Variants in DNMT1 observed in about 807,000 individuals in gnomAD.
DNMT1 encodes the protein DNA (cytosine-5)-methyltransferase 1.
A neutral mutation model predicts 205.3 loss-of-function variants in DNMT1; 24 were observed. That is an observed-to-expected ratio of 0.12 (90% CI 0.08 to 0.16). The LOEUF (loss-of-function observed/expected upper bound fraction) is 0.16, where lower values mean the gene tolerates loss of function less well. Ranked by LOEUF, DNMT1 falls within the 10% of genes least tolerant of loss-of-function variation. The pLI is 1.00. For synonymous variants in DNMT1, 817 were observed against 839.8 expected (o/e 0.97, Z 0.47); for missense variants, 1,293 against 2,177.7 (o/e 0.59, Z 8.09).
chr19:10,160,758 G>A (rs1182589118), intron 13 of DNMT1, among the ~76,000 whole-genome samples: 4 of 152,294 alleles, frequency 2.6e-5, no homozygotes, highest in African/African-American at 9.6e-5. Context: ...AGCCAGGCGG[G>A]CACTTGTAAT....
chr19:10,183,287 A>G (rs2039116533), intron 1 of DNMT1, among the ~76,000 whole-genome samples: 1 of 150,628 alleles, frequency 6.6e-6, no homozygotes, highest in Non-Finnish European at 1.5e-5. Context: ...AGCTAATTTT[A>G]TATTTTTAGC....
At chr19:10,180,274 T>C (rs2039020009) in intron 4 of DNMT1, 40 bp from the exon 5 acceptor site, 4 of 1,564,540 alleles carry the variant, frequency 2.6e-6, no homozygotes, top group Non-Finnish European at 3.5e-6. Context: ...GTTACACCAC[T>C]GTGCTCCAGA....
At chr19:10,190,224 TG>T (rs1291313837) in intron 1 of DNMT1, among the ~76,000 whole-genome samples, 3 of 152,160 alleles carry the variant, frequency 2.0e-5, no homozygotes, top group Non-Finnish European at 4.4e-5. Context: ...TAATCAGTTG[TG>T]CAAAGGAGTC....
At chr19:10,172,402 T>C (rs1174203826) in intron 9 of DNMT1, among the ~76,000 whole-genome samples, 1 of 125,176 alleles carries the variant, frequency 8.0e-6, no homozygotes, top group Non-Finnish European at 1.6e-5. Flanking sequence ...CAAGACTCCA[T>C]CTCAAAAAAA....
chr19:10,161,223 T>C (rs2038562523), intron 13 of DNMT1, among the ~76,000 whole-genome samples: 1 of 152,090 alleles, frequency 6.6e-6, no homozygotes, highest in African/African-American at 2.4e-5. Context: ...GAGAATAGCT[T>C]GAACCAGGGA....
chr19:10,134,427 A>C lies in DNMT1; in HGVS notation c.4774-120T>G, dbSNP rs1268506571. The C allele has an allele frequency of 3.3e-6, 3 of 904,334 alleles. No individual in the cohort carries two copies. The East Asian group carries it at 7.9e-5, about 24-fold the overall frequency. The allele number at this position is 904,334 out of a possible 1,614,324, so 56.0% of individuals were successfully genotyped here. ...ACCTGGGCATTGCACCCCTTGGGGAAGGGTTCTGGTCCTGCTCACATGGGC... is the reference window on the plus strand; with the variant it reads ...ACCTGGGCATTGCACCCCTTGGGGACGGGTTCTGGTCCTGCTCACATGGGC... On this transcript the variant is annotated intron_variant, in intron 39 of 40. Transcript: ENST00000359526.
chr19:10,142,309 G>A lies in DNMT1; in HGVS notation c.3117-89C>T, dbSNP rs554487233. The A allele has an allele frequency of 1.9e-4, 305 of 1,578,562 alleles. 1 individual carries two copies. The African/African-American group carries it at 3.6e-3, about 19-fold the overall frequency. ...GTACCATGTTCCTGGGGTGCTCAGG[G>A]AACTGCAGGGTAAAGACCCCCTAGT... On this transcript the variant is annotated intron_variant, in intron 29 of 40. Transcript: ENST00000359526.
Position 10,143,822 on chromosome 19 carries a change from C to G in DNMT1, c.3060G>C (p.Lys1020Asn). The change falls in exon 29 of 41, where the codon AAG (lysine) becomes AAC (asparagine). Residue 1020 changes from lysine (K) to asparagine (N), a missense_variant. Coordinates refer to ENST00000359526, the MANE Select transcript of DNMT1 (RefSeq NM_001130823.3). ...GRIKEIFCPK[K>N]SNGRPNETDI... is the part of the protein sequence containing the mutation. ...CAGTCTCATTGGGCCTGCCGTTGCT[C>G]TTCTTGGGACAGAAGATCTCTTTGA... 1.2e-6 allele frequency: 2 copies of G among 1,614,160 alleles called. No individual in the cohort carries two copies. The highest frequency in any genetic ancestry group is 1.7e-6 in the Non-Finnish European group (2 of 1,180,024).
In DNMT1 at chr19:10,145,203, G is replaced by A. The variant is rs529815444; in HGVS notation, c.2894+1148C>T. Among the ~76,000 whole-genome samples, 13 of 152,314 alleles carry A rather than the reference G, an allele frequency of 8.5e-5. 1 individual carries two copies. The South Asian group carries it at 2.3e-3, about 27-fold the overall frequency. ...TGCCGTTAGGGAAGTCAGCTGTCAC[G>A]TTCTCCCCACTAGGCCCCCCAGGAG... On this transcript the variant is annotated intron_variant, in intron 28 of 40. Coordinates refer to ENST00000359526, the MANE Select transcript of DNMT1 (RefSeq NM_001130823.3).
chr19:10,149,325 CAAAACAAAAAAA>C (rs1220847237), intron 26 of DNMT1, 116 bp downstream of exon 26: 74 of 1,138,088 alleles, frequency 6.5e-5, no homozygotes, highest in African/African-American at 1.1e-4. Context: ...AACTCAGTCT[CAAAACAAAAAAA>C]AAAACAAAAA....
chr19:10,136,266 G>A lies in DNMT1; in HGVS notation c.4511C>T (p.Ala1504Val), dbSNP rs1418458019. The A allele has an allele frequency of 6.2e-7, 1 of 1,614,116 alleles. No homozygotes were observed. Among genetic ancestry groups the A allele is most frequent in the Non-Finnish European group, 8.5e-7 (1 of 1,180,044 alleles). ...GATGAGGGTGTTGAACTGCCTGGCT[G>A]CGGGGTCGCAGGCTTTGCCGGCTGG... ...CVEAGKACDP[A>V]ARQFNTLIPW... Residue 1504 changes from alanine to valine, a missense_variant, in exon 38 of 41, where the codon GCA (alanine) becomes GTA (valine). Coordinates refer to ENST00000359526, the MANE Select transcript of DNMT1 (RefSeq NM_001130823.3).
At chr19:10,148,116 C>CAAAAAAAAAAAAAAAAAAAAAAAAAAAAA (rs35310173) in intron 27 of DNMT1, among the ~76,000 whole-genome samples, 1 of 59,294 alleles carries the variant, frequency 1.7e-5, no homozygotes, top group Non-Finnish European at 3.1e-5. Context: ...AACTCTGTCT[C>CAAAAAAAAAAAAAAAAAAAAAAAAAAAAA]AAAAAAAAAA....
intron 9 of DNMT1, among the ~76,000 whole-genome samples, chr19:10,169,604 A>G (rs1413542101): frequency 6.6e-6 from 1 of 151,496 alleles, no homozygotes; most frequent in Non-Finnish European, 1.5e-5. Context: ...TCTACTAAAA[A>G]TACAAAAAAA....
At chr19:10,155,161 G>C in intron 19 of DNMT1, 105 bp from the exon 20 acceptor site, 2 of 1,452,528 alleles carry the variant, frequency 1.4e-6, no homozygotes, top group Non-Finnish European at 1.9e-6. Flanking sequence ...CAGTCTAAAA[G>C]TCATCCCGTA....
At chr19:10,182,263 TAAG>T (rs1224169566) in intron 1 of DNMT1, among the ~76,000 whole-genome samples, 186 bp from the exon 2 acceptor site, 2 of 152,060 alleles carry the variant, frequency 1.3e-5, no homozygotes, top group East Asian at 3.9e-4. Flanking sequence ...TGCCTAATGC[TAAG>T]AAGTCATCTG....
chr19:10,162,620 G>GAAAAAA (rs573823039), intron 13 of DNMT1, 47 bp downstream of exon 13: 25 of 1,316,562 alleles, frequency 1.9e-5, no homozygotes, highest in Non-Finnish European at 1.9e-5. Context: ...CCGTCTTGGG[G>GAAAAAA]AAAAAAAAAA....
At position 10,186,533 on chromosome 19, in the gene DNMT1, G is replaced by A. The variant is rs1034513286; in HGVS notation, c.81-4456C>T. 3.5e-4 allele frequency among the ~76,000 whole-genome samples: 54 copies of A among 152,150 alleles called. 2 individuals carry two copies. In the Middle Eastern group the frequency reaches 0.01, roughly 29 times the overall value. On this transcript the variant is annotated intron_variant, in intron 1 of 40. Coordinates refer to ENST00000359526, the MANE Select transcript of DNMT1 (RefSeq NM_001130823.3). ...TCAGAGATGAACCCTCTGCAGAGGGGAGATAAGATATATATAAACAGCTGG... is the reference window on the plus strand; with the variant it reads ...TCAGAGATGAACCCTCTGCAGAGGGAAGATAAGATATATATAAACAGCTGG...
At chr19:10,178,828 T>TA in intron 5 of DNMT1, among the ~76,000 whole-genome samples, 1 of 144,462 alleles carries the variant, frequency 6.9e-6, no homozygotes, top group East Asian at 2.2e-4. Flanking sequence ...GTTTGTTTTT[T>TA]AAAAAATTCC....
intron 11 of DNMT1, among the ~76,000 whole-genome samples, chr19:10,165,315 TG>T (rs1423421214): frequency 6.6e-6 from 1 of 152,148 alleles, no homozygotes; most frequent in Non-Finnish European, 1.5e-5. Context: ...GAGGCAGAGA[TG>T]GCACCTCCTG....
Sources: allele counts gnomAD v4.1 joint callset (sites outside exome capture counted in the v4.1 genomes callset), GRCh38; gene constraint gnomAD v4.1.1; transcripts MANE v1.5; gene names NCBI Gene and HGNC (gene_info 2026-07-23, HGNC 2026-07-21).